ZBTB38: variants seen among roughly 807,000 people sequenced by gnomAD.
ZBTB38 encodes the protein zinc finger and BTB domain-containing protein 38.
A neutral mutation model predicts 76.8 loss-of-function variants in ZBTB38; 20 were observed. That is an observed-to-expected ratio of 0.26 (90% CI 0.18 to 0.38). ZBTB38 has a LOEUF of 0.38. Among genes scored for constraint, ZBTB38 ranks in the 10% least tolerant of loss-of-function variants. The pLI, the probability that ZBTB38 is intolerant of heterozygous loss-of-function variation, is 1.00. For synonymous variants in ZBTB38, 504 were observed against 544.2 expected (o/e 0.93, Z 1.03); for missense variants, 1,082 against 1,482.3 (o/e 0.73, Z 4.43).
At chr3:141,395,937 T>C (rs1049113773) in intron 4 of ZBTB38, among the ~76,000 whole-genome samples, 1 of 152,230 alleles carries the variant, frequency 6.6e-6, no homozygotes, top group Non-Finnish European at 1.5e-5. Context: ...TGCTAAAATA[T>C]GCTACTGATG....
chr3:141,359,888 A>C (rs1943770230), intron 1 of ZBTB38, among the ~76,000 whole-genome samples: 1 of 152,134 alleles, frequency 6.6e-6, no homozygotes, highest in South Asian at 2.1e-4. Flanking sequence ...CCATGATCAC[A>C]CCACTGCACT....
rs2076883598 is a variant in ZBTB38, at chr3:141,428,814, G to A, written c.1-13575G>A. 2.0e-5 allele frequency among the ~76,000 whole-genome samples: 3 copies of A among 152,108 alleles called. No individual in the cohort carries two copies. The South Asian group carries it at 6.2e-4, about 32-fold the overall frequency. ...TTTATGTGCCGGCCTCCACAGGATTGTGGAAGTGATTAAATTAATTAATAT... is the reference window on the plus strand; with the variant it reads ...TTTATGTGCCGGCCTCCACAGGATTATGGAAGTGATTAAATTAATTAATAT... On this transcript the variant is annotated intron_variant, in intron 5 of 5. Coordinates refer to ENST00000321464, the MANE Select transcript of ZBTB38 (RefSeq NM_001376113.1).
intron 4 of ZBTB38, among the ~76,000 whole-genome samples, chr3:141,395,368 A>T (rs141458851): frequency 6.6e-6 from 1 of 152,182 alleles, no homozygotes; most frequent in East Asian, 1.9e-4. Context: ...CTCAAGTCGG[A>T]TAAACAACTT....
intron 5 of ZBTB38, among the ~76,000 whole-genome samples, chr3:141,431,341 A>AAAAAATATATATATATAT: frequency 8.7e-5 from 9 of 103,282 alleles, no homozygotes; most frequent in Admixed American, 1.9e-4. Context: ...AAAAAAAAAA[A>AAAAAATATATATATATAT]ATATATATAT....
chr3:141,429,781 G>C (rs2077089330), intron 5 of ZBTB38, among the ~76,000 whole-genome samples: 1 of 152,232 alleles, frequency 6.6e-6, no homozygotes, highest in East Asian at 1.9e-4. Flanking sequence ...GCACGAGTCT[G>C]AGCCAGCCAT....
chr3:141,403,521 A>C (rs995466724), intron 4 of ZBTB38, among the ~76,000 whole-genome samples: 1 of 152,252 alleles, frequency 6.6e-6, no homozygotes, highest in Non-Finnish European at 1.5e-5. Context: ...TAGTAAGGGT[A>C]AGCATTGTTT....
At chr3:141,364,467 C>T (rs1410835937), upstream of ZBTB38, among the ~76,000 whole-genome samples, 6 of 151,750 alleles carry the variant, frequency 4.0e-5, no homozygotes, top group Non-Finnish European at 7.4e-5. Flanking sequence ...CACCTGAGGT[C>T]GGGAGTTCAA....
At chr3:141,409,885 T>G (rs1462781838) in intron 5 of ZBTB38, among the ~76,000 whole-genome samples, 3 of 152,192 alleles carry the variant, frequency 2.0e-5, no homozygotes, top group Non-Finnish European at 4.4e-5. Flanking sequence ...TCTGAGGCCC[T>G]GAGGAACTCT....
chr3:141,382,261 T>C (rs1946309798), intron 3 of ZBTB38, among the ~76,000 whole-genome samples: 1 of 152,232 alleles, frequency 6.6e-6, no homozygotes, highest in Non-Finnish European at 1.5e-5. Flanking sequence ...CAGGCTACTC[T>C]GATTGTTACA....
In ZBTB38 at chr3:141,406,153, A is replaced by G. The variant is rs150226518; in HGVS notation, c.-1+2122A>G. The stretch of plus-strand genomic sequence containing the variant: ...CCAAATGATACAGTCTTGAATGCCA[A>G]CTAGGAATTGTGAATGCATTAACCA... On this transcript the variant is annotated intron_variant, in intron 5 of 5. Transcript: ENST00000321464. Among the ~76,000 whole-genome samples the G allele has an allele frequency of 4.5e-3, 683 of 152,348 alleles. 5 individuals carry two copies. The highest frequency in any genetic ancestry group is 0.015 in the African/African-American group (631 of 41,566).
chr3:141,325,426 A>G (rs1192380904), intron 1 of ZBTB38, among the ~76,000 whole-genome samples: 1 of 152,242 alleles, frequency 6.6e-6, no homozygotes, highest in East Asian at 1.9e-4. Context: ...ATTGCAAAAG[A>G]ACCCACCTAA....
chr3:141,430,214 C>T (rs2077200667), intron 5 of ZBTB38, among the ~76,000 whole-genome samples: 2 of 151,812 alleles, frequency 1.3e-5, no homozygotes, highest in Non-Finnish European at 1.5e-5. Context: ...TACAGGCATG[C>T]ACTACCACAC....
In ZBTB38 at chr3:141,446,065, G is replaced by T; in HGVS notation, c.*89G>T. On this transcript the variant is annotated 3_prime_UTR_variant, in exon 6 of 6. Transcript: ENST00000321464. The stretch of plus-strand genomic sequence containing the variant: ...TTAGTTTCATTTTGTCCATGTGACA[G>T]TCATGAAGGAGTGAAATTAAAAAAA... The T allele has an allele frequency of 3.8e-6, 4 of 1,066,132 alleles. No homozygotes were observed. The highest frequency in any genetic ancestry group is 2.6e-5 in the East Asian group (1 of 38,106). 66.0% of individuals were successfully genotyped at this position (1,066,132 alleles called of 1,614,324 possible).
chr3:141,372,031 G>A (rs566028668), intron 2 of ZBTB38, among the ~76,000 whole-genome samples: 11 of 152,212 alleles, frequency 7.2e-5, no homozygotes, highest in African/African-American at 2.4e-4. Flanking sequence ...TTTGCCCCTG[G>A]ACTTGACCTT....
intron 2 of ZBTB38, among the ~76,000 whole-genome samples, chr3:141,380,718 T>C (rs1946081853): frequency 1.3e-5 from 2 of 152,212 alleles, no homozygotes; most frequent in Admixed American, 1.3e-4. Context: ...TTGTGTTTTT[T>C]TCTTTAGTCG....
intron 5 of ZBTB38, among the ~76,000 whole-genome samples, chr3:141,404,381 C>T (rs1307970292): frequency 2.0e-5 from 3 of 152,056 alleles, no homozygotes; most frequent in Non-Finnish European, 4.4e-5. Context: ...TCAGGGTTAC[C>T]CAGTGGGTTG....
chr3:141,327,451 T>G (rs1023132332), intron 1 of ZBTB38, among the ~76,000 whole-genome samples: 3 of 152,134 alleles, frequency 2.0e-5, no homozygotes, highest in African/African-American at 7.2e-5. Flanking sequence ...AGTCCAACCG[T>G]GAGAAAAATG....
chr3:141,396,042 T>C (rs1239383580), intron 4 of ZBTB38, among the ~76,000 whole-genome samples: 1 of 152,178 alleles, frequency 6.6e-6, no homozygotes, highest in African/African-American at 2.4e-5. Context: ...TTGCTGAAGG[T>C]TGGGGTGGCG....
chr3:141,441,339 T>C (rs2080169306), intron 5 of ZBTB38, among the ~76,000 whole-genome samples: 1 of 152,248 alleles, frequency 6.6e-6, no homozygotes, highest in South Asian at 2.1e-4. Flanking sequence ...GCCTTGAAGT[T>C]GTGCTAATTC....
Sources: gnomAD v4.1 joint callset for allele counts (sites outside exome capture counted in the v4.1 genomes callset) on GRCh38, gnomAD v4.1.1 for gene constraint, MANE v1.5 for transcripts, NCBI Gene and HGNC (gene_info 2026-07-23, HGNC 2026-07-21) for gene names.